The following LYPD5 variants were observed in gnomAD, a reference collection of about 807,000 sequenced individuals.
LYPD5 encodes the protein ly6/PLAUR domain-containing protein 5.
In LYPD5, 21 loss-of-function variants were observed where a neutral mutation model predicts 19.1. That is an observed-to-expected ratio of 1.10 (90% confidence interval 0.78 to 1.58). The LOEUF is 1.58. Among genes scored for constraint, LYPD5 ranks in the 40% most tolerant of loss-of-function variants. LYPD5 has a pLI of 0.00. For missense variants in LYPD5, 287 were observed against 329.8 expected (o/e 0.87, Z 1.00); for synonymous variants, 128 against 142.7 (o/e 0.90, Z 0.74).
chr19:43,812,132 A>C (rs992543087), intron 1 of LYPD5, among the ~76,000 whole-genome samples: 2 of 152,122 alleles, frequency 1.3e-5, no homozygotes, highest in Non-Finnish European at 1.5e-5. Flanking sequence ...ACTTTATCAC[A>C]TGGGAGTTGC....
upstream of LYPD5, among the ~76,000 whole-genome samples, chr19:43,804,408 C>G (rs1486176035): frequency 1.1e-5 from 1 of 91,736 alleles, no homozygotes; most frequent in Non-Finnish European, 2.5e-5. Flanking sequence ...AGAATAACTC[C>G]ATGTGATGGA....
intron 1 of LYPD5, among the ~76,000 whole-genome samples, chr19:43,817,960 C>T (rs913870157): frequency 6.6e-5 from 10 of 152,094 alleles, no homozygotes; most frequent in Non-Finnish European, 1.3e-4. Context: ...ATGATCCACC[C>T]GCCTTGGCCT....
At chr19:43,798,085 A>C (rs1373912810) in intron 4 of LYPD5, among the ~76,000 whole-genome samples, 1 of 124,762 alleles carries the variant, frequency 8.0e-6, no homozygotes, top group African/African-American at 3.1e-5. Context: ...GACCAGGGTT[A>C]TGCCTCCTCC....
chr19:43,810,001 T>C (rs80139960), intron 1 of LYPD5, among the ~76,000 whole-genome samples: 4,145 of 152,340 alleles, frequency 0.027, 181 homozygotes, highest in African/African-American at 0.092. Context: ...TGCTGGAACA[T>C]AGTTGCAATA....
At chr19:43,799,190 T>C (rs1970185607) in intron 2 of LYPD5, 2 of 599,100 alleles carry the variant, frequency 3.3e-6, no homozygotes, top group Non-Finnish European at 5.6e-6. Flanking sequence ...TCTCCCACCT[T>C]CTCTTCCTTG....
chr19:43,819,619 A>G (rs1375580457), intron 1 of LYPD5, among the ~76,000 whole-genome samples: 1 of 152,134 alleles, frequency 6.6e-6, no homozygotes, highest in East Asian at 1.9e-4. Context: ...GGAAAAAAGG[A>G]GAACGTGTAA....
chr19:43,797,604 C>A lies in LYPD5; in HGVS notation c.743G>T (p.Gly248Val). 1 of 1,604,718 alleles carries A rather than the reference C, an allele frequency of 6.2e-7. No individual in the cohort carries two copies. The highest frequency in any genetic ancestry group is 8.5e-7 in the Non-Finnish European group (1 of 1,174,034). ...TGGAGGGGCGGTCTATGCTGAGAGC[C>A]CCACCAGCAGGAGGACTGGGAGGAG... The part of the protein sequence containing the change: ...ALLLPVLLLV[G>V]LSA Residue 248 changes from glycine (G) to valine (V), a missense_variant, in exon 5 of 5, where the codon GGG (glycine) becomes GTG (valine). Physicochemically the swap from Gly to Val is moderately radical, Grantham distance 109 (BLOSUM62 -3). Transcript: ENST00000377950.
At chr19:43,816,189 G>A (rs891143216) in intron 1 of LYPD5, among the ~76,000 whole-genome samples, 14 of 152,120 alleles carry the variant, frequency 9.2e-5, no homozygotes, top group Non-Finnish European at 1.5e-4. Context: ...TACCTTAAGG[G>A]AGATACTATG....
chr19:43,800,672 T>C (rs1313741083), intron 1 of LYPD5, among the ~76,000 whole-genome samples: 1 of 151,942 alleles, frequency 6.6e-6, no homozygotes, highest in Non-Finnish European at 1.5e-5. Context: ...TTTAAAATCA[T>C]ATATGGAGGC....
At chr19:43,800,030 G>C in intron 1 of LYPD5, 196 bp from the exon 2 acceptor site, 1 of 571,970 alleles carries the variant, frequency 1.7e-6, no homozygotes, top group Non-Finnish European at 2.9e-6. Context: ...TGACCTCTCT[G>C]CAGCTGACAG....
chr19:43,816,702 G>C (rs541190485), intron 1 of LYPD5, among the ~76,000 whole-genome samples: 2 of 152,254 alleles, frequency 1.3e-5, no homozygotes, highest in East Asian at 3.9e-4. Context: ...TAAGTGATAC[G>C]GTTTGGCTGT....
intron 1 of LYPD5, among the ~76,000 whole-genome samples, chr19:43,811,288 A>AT (rs1970321805): frequency 2.0e-5 from 3 of 152,128 alleles, no homozygotes; most frequent in Non-Finnish European, 4.4e-5. Flanking sequence ...GAGGGAAAAA[A>AT]AAATGGATAA....
chr19:43,803,707 G>T (rs117356306), upstream of LYPD5, among the ~76,000 whole-genome samples: 1 of 151,868 alleles, frequency 6.6e-6, no homozygotes, highest in Non-Finnish European at 1.5e-5. Context: ...TTTTTTTATT[G>T]TTTTTTGGTT....
chr19:43,811,576 C>T (rs979055295), intron 1 of LYPD5, among the ~76,000 whole-genome samples: 13 of 152,006 alleles, frequency 8.6e-5, no homozygotes, highest in African/African-American at 3.1e-4. Flanking sequence ...ATCCCAGCTA[C>T]CTGGGAGGCA....
chr19:43,812,833 T>G (rs569461991), intron 1 of LYPD5, among the ~76,000 whole-genome samples: 1 of 152,192 alleles, frequency 6.6e-6, no homozygotes, highest in African/African-American at 2.4e-5. Flanking sequence ...ATGCAGACAT[T>G]TCTAGGAAAA....
chr19:43,816,351 A>G (rs1970376480), intron 1 of LYPD5, among the ~76,000 whole-genome samples: 1 of 152,184 alleles, frequency 6.6e-6, no homozygotes, highest in Non-Finnish European at 1.5e-5. Flanking sequence ...TCAAATTAGC[A>G]TGATTTTATT....
chr19:43,798,628 C>G, intron 3 of LYPD5, 27 bp from the exon 4 acceptor site: 1 of 1,609,928 alleles, frequency 6.2e-7, no homozygotes, highest in Admixed American at 1.7e-5. Flanking sequence ...GATGCACACT[C>G]AGGCAGTGGT....
chr19:43,808,550 C>T (rs758378617), intron 1 of LYPD5, among the ~76,000 whole-genome samples: 5 of 152,086 alleles, frequency 3.3e-5, no homozygotes, highest in South Asian at 2.1e-4. Context: ...TTAAAGGGTT[C>T]GTTTATTCTC....
At position 43,798,772 on chromosome 19, in the gene LYPD5, C is replaced by T. The variant is rs1452019694; in HGVS notation, c.370+40G>A. On this transcript the variant is annotated intron_variant, in intron 3 of 4. Transcript: ENST00000377950. Reference sequence around the variant, plus strand: ...CCTTCCCCGAGGCTGCCAGGCCTCTCATCGTCCCTCCCGGAGCCCAGCCCC... The same window carrying T: ...CCTTCCCCGAGGCTGCCAGGCCTCTTATCGTCCCTCCCGGAGCCCAGCCCC... 3.8e-6 allele frequency: 6 copies of T among 1,580,578 alleles called. No homozygotes were observed. The African/African-American group carries it at 5.4e-5, about 14-fold the overall frequency.
Sources: allele counts gnomAD v4.1 joint callset (sites outside exome capture counted in the v4.1 genomes callset), GRCh38; gene constraint gnomAD v4.1.1; transcripts MANE v1.5; gene names NCBI Gene and HGNC (gene_info 2026-07-23, HGNC 2026-07-21).